LIMCH1: variants seen among roughly 807,000 people sequenced by gnomAD.
LIMCH1 encodes the protein LIM and calponin homology domains 1.
A neutral mutation model predicts 176.5 loss-of-function variants in LIMCH1; 113 were observed. The observed-to-expected ratio is 0.64, with a 90% CI of 0.55 to 0.75. The LOEUF is 0.75. LIMCH1 is among the 30% of genes least tolerant of loss of function. The pLI is 0.00. For missense variants in LIMCH1, 1,674 were observed against 1,814.9 expected (o/e 0.92, Z 1.41); for synonymous variants, 619 against 645.9 (o/e 0.96, Z 0.63).
At chr4:41,489,498 T>C (rs1245891999) in intron 1 of LIMCH1, among the ~76,000 whole-genome samples, 1 of 152,170 alleles carries the variant, frequency 6.6e-6, no homozygotes, top group Non-Finnish European at 1.5e-5. Context: ...ATTCTTTCAC[T>C]ACAAAATACA....
intron 18 of LIMCH1, among the ~76,000 whole-genome samples, chr4:41,651,138 C>A (rs1202066577): frequency 6.6e-6 from 1 of 152,070 alleles, no homozygotes; most frequent in East Asian, 1.9e-4. Flanking sequence ...TCCCAAGTAA[C>A]TGGGACTACA....
At chr4:41,671,667 A>G in intron 22 of LIMCH1, 73 bp downstream of exon 22, 1 of 1,200,824 alleles carries the variant, frequency 8.3e-7, no homozygotes, top group Non-Finnish European at 1.2e-6. Flanking sequence ...ATTGGCTCAA[A>G]GAGTATTCAG....
At chr4:41,557,575 T>TGTGTGTGTGTG (rs2152539649) in intron 1 of LIMCH1, among the ~76,000 whole-genome samples, 1 of 152,040 alleles carries the variant, frequency 6.6e-6, no homozygotes, top group African/African-American at 2.4e-5. Flanking sequence ...TGTGTGTGTG[T>TGTGTGTGTGTG]AATTAGAATG....
At chr4:41,460,068 T>C (rs1212709182) in intron 1 of LIMCH1, among the ~76,000 whole-genome samples, 11 of 152,008 alleles carry the variant, frequency 7.2e-5, no homozygotes, top group Admixed American at 7.2e-4. Flanking sequence ...CCCTTTGATA[T>C]AAAGCAGAGA....
chr4:41,673,007 C>T (rs567327107), intron 22 of LIMCH1, among the ~76,000 whole-genome samples: 2 of 152,244 alleles, frequency 1.3e-5, no homozygotes, highest in South Asian at 4.1e-4. Context: ...AAATCCTCCC[C>T]CTCTCCCAAT....
intron 1 of LIMCH1, among the ~76,000 whole-genome samples, chr4:41,574,882 A>C (rs1236625645): frequency 6.6e-6 from 1 of 152,176 alleles, no homozygotes; most frequent in African/African-American, 2.4e-5. Context: ...TCTGAGCTTT[A>C]GGTTTTAATT....
chr4:41,439,761 G>A (rs548606387), intron 1 of LIMCH1, among the ~76,000 whole-genome samples: 5 of 152,006 alleles, frequency 3.3e-5, no homozygotes, highest in African/African-American at 9.6e-5. Context: ...AAAATGAGGC[G>A]GGCATGGTAA....
At chr4:41,633,417 G>T in intron 12 of LIMCH1, 131 bp from the exon 13 acceptor site, 1 of 1,091,646 alleles carries the variant, frequency 9.2e-7, no homozygotes, top group Non-Finnish European at 1.3e-6. Flanking sequence ...TTCCTGCTCA[G>T]CTGCTCTGTG....
chr4:41,620,154 C>A, intron 6 of LIMCH1: 2 of 390,760 alleles, frequency 5.1e-6, no homozygotes, highest in Non-Finnish European at 9.2e-6. Context: ...TTTTAATTTG[C>A]TGAACAAACT....
chr4:41,552,968 T>G (rs1028030351), intron 1 of LIMCH1, among the ~76,000 whole-genome samples: 2 of 152,252 alleles, frequency 1.3e-5, no homozygotes, highest in African/African-American at 4.8e-5. Context: ...CTTATGTGTT[T>G]AATTCCTATT....
At chr4:41,642,032 C>T (rs1045467403) in intron 14 of LIMCH1, among the ~76,000 whole-genome samples, 10 of 152,270 alleles carry the variant, frequency 6.6e-5, no homozygotes, top group Non-Finnish European at 1.3e-4. Flanking sequence ...ATAATCAAAT[C>T]CCAGATCCTG....
intron 1 of LIMCH1, among the ~76,000 whole-genome samples, chr4:41,414,151 G>A (rs996052155): frequency 1.3e-5 from 2 of 151,762 alleles, no homozygotes; most frequent in Non-Finnish European, 2.9e-5. Context: ...TTAACAGGAT[G>A]GGGGGGCAGG....
rs528447537 is a variant in LIMCH1, at chr4:41,662,536, G to A, written c.3128-285G>A. Among the ~76,000 whole-genome samples, 76 of 152,272 alleles carry A rather than the reference G, an allele frequency of 5.0e-4. No homozygotes were observed. The South Asian group carries it at 0.012, about 24-fold the overall frequency. On this transcript the variant is annotated intron_variant, in intron 19 of 31. Coordinates refer to ENST00000503057, the MANE Select transcript of LIMCH1 (RefSeq NM_001330672.2). ...ATTTCGTGTCAGCATTCTGTTCCAT[G>A]TGGTGTTATTCAGATGTAAACCGTG...
chr4:41,596,793 A>G (rs2088916648), intron 1 of LIMCH1, among the ~76,000 whole-genome samples: 1 of 152,230 alleles, frequency 6.6e-6, no homozygotes, highest in African/African-American at 2.4e-5. Flanking sequence ...GTGAGGGTGT[A>G]GGTGACTTCA....
chr4:41,478,827 G>A (rs1188973838), intron 1 of LIMCH1, among the ~76,000 whole-genome samples: 1 of 152,184 alleles, frequency 6.6e-6, no homozygotes, highest in African/African-American at 2.4e-5. Context: ...GAACATAAAT[G>A]TAGTGACCAA....
intron 4 of LIMCH1, 25 bp downstream of exon 4, chr4:41,606,029 C>A: frequency 6.7e-7 from 1 of 1,497,956 alleles, no homozygotes; most frequent in Non-Finnish European, 9.3e-7. Flanking sequence ...CTTCTTTATC[C>A]CATAAGCGTT....
intron 1 of LIMCH1, among the ~76,000 whole-genome samples, chr4:41,393,014 A>G (rs1313592229): frequency 1.3e-5 from 2 of 152,192 alleles, no homozygotes; most frequent in African/African-American, 4.8e-5. Flanking sequence ...TGGGTGAGAG[A>G]GCAAGACTCT....
At chr4:41,578,904 T>C (rs890490216) in intron 1 of LIMCH1, among the ~76,000 whole-genome samples, 8 of 152,104 alleles carry the variant, frequency 5.3e-5, no homozygotes, top group African/African-American at 1.9e-4. Context: ...GGTCTCACTA[T>C]GTTTTCCAGG....
chr4:41,426,313 G>T (rs371079433), intron 1 of LIMCH1, among the ~76,000 whole-genome samples: 1 of 152,138 alleles, frequency 6.6e-6, no homozygotes, highest in Non-Finnish European at 1.5e-5. Context: ...GAGCCACTGC[G>T]CCCGGCCCGT....
Sources: allele counts gnomAD v4.1 joint callset (sites outside exome capture counted in the v4.1 genomes callset), GRCh38; gene constraint gnomAD v4.1.1; transcripts MANE v1.5; gene names NCBI Gene and HGNC (gene_info 2026-07-23, HGNC 2026-07-21).